TAP1: variants seen among roughly 807,000 people sequenced by gnomAD.
The protein encoded by TAP1 is antigen peptide transporter 1.
Under a neutral mutation model 79.3 loss-of-function variants are expected in TAP1, and 56 were observed. The ratio of observed to expected loss-of-function variants is 0.71; its 90% CI spans 0.57 to 0.88. TAP1 has a LOEUF of 0.88. Among genes scored for constraint, TAP1 ranks in the 40% least tolerant of loss-of-function variants. The probability of loss-of-function intolerance (pLI) is 0.00; values close to 1 mark genes in which losing one functional copy is unlikely to be tolerated. For missense variants in TAP1, 737 were observed against 936.3 expected, an observed-to-expected ratio of 0.79 and a Z score of 2.78; for synonymous variants, 355 against 401.4, an observed-to-expected ratio of 0.88 and a Z score of 1.38.
Position 32,853,571 on chromosome 6 carries a change from C to A in TAP1, c.66G>T (p.Trp22Cys). The A allele has an allele frequency of 6.2e-7, 1 of 1,612,478 alleles. No homozygotes were observed. Among genetic ancestry groups the A allele is most frequent in the East Asian group, 2.2e-5 (1 of 44,854 alleles). Residue 22 changes from tryptophan to cysteine, a missense_variant, in exon 1 of 11, where the codon TGG (tryptophan) becomes TGT (cysteine). This residue lies in a region of TAP1 where 45 missense variants were observed against 60.2 expected (regional missense o/e 0.75). Coordinates refer to ENST00000354258, the MANE Select transcript of TAP1 (RefSeq NM_000593.6). The surrounding 1 kb of genome is among the most constrained non-coding windows in gnomAD (Gnocchi z 8.3). ...CRCLPGASLA[W>C]LGTVLLLLAD... ...CGAGAAGTAGCAGTACTGTCCCCAG[C>A]CATGCGAGAGAAGCTCCGGGGAGGC... is the stretch of plus-strand genomic sequence containing the variant.
In TAP1 at chr6:32,845,725, G is replaced by A; in HGVS notation, c.2101C>T (p.Gln701Ter). 6.2e-7 allele frequency: 1 copy of A among 1,613,038 alleles called. No homozygotes were observed. The highest frequency in any genetic ancestry group is 1.1e-5 in the South Asian group (1 of 91,084). ...GCCTGCTCCACCAGGCTGAGGTGCT[G>A]GGTGATGAGAAGCACTGAGCGGGAG... is the stretch of plus-strand genomic sequence containing the variant. ...RYSRSVLLITQHLSLVEQADH... is the reference protein window; with the variant it reads ...RYSRSVLLIT The change falls in exon 11 of 11, where the codon CAG (glutamine) becomes TAG (stop). Residue 701 changes from glutamine to a stop codon, truncating the protein, a stop_gained. Transcript: ENST00000354258. LOFTEE classifies it high-confidence loss of function. This position sits in a 1 kb window ranked among gnomAD's most constrained non-coding sequence, Gnocchi z 4.5.
chr6:32,853,551 A>G lies in TAP1; in HGVS notation c.86T>C (p.Leu29Pro). The change falls in exon 1 of 11, where the codon CTT becomes CCT. Residue 29 changes from leucine (L) to proline (P), a missense_variant. Physicochemically the swap from Leu to Pro is moderately conservative, Grantham distance 98 (BLOSUM62 -3). This residue lies in a region of TAP1 where 45 missense variants were observed against 60.2 expected (regional missense o/e 0.75). Coordinates refer to ENST00000354258, the MANE Select transcript of TAP1 (RefSeq NM_000593.6). The surrounding 1 kb of genome is among the most constrained non-coding windows in gnomAD (Gnocchi z 8.3). ...SLAWLGTVLL[L>P]LADWVLLRTA... ...CCGGAGCAGCACCCAGTCGGCGAGA[A>G]GTAGCAGTACTGTCCCCAGCCATGC... The G allele has an allele frequency of 6.2e-7, 1 of 1,610,692 alleles. No individual in the cohort carries two copies. Among genetic ancestry groups the G allele is most frequent in the Non-Finnish European group, 8.5e-7 (1 of 1,178,300 alleles).
Position 32,848,644 on chromosome 6 carries a change from G to A in TAP1, c.1566+8C>T. On this transcript the variant is annotated splice_region_variant and intron_variant, in intron 7 of 10. Coordinates refer to ENST00000354258, the MANE Select transcript of TAP1 (RefSeq NM_000593.6). ...GGCCAGTGGAATACAGGGAGTGGTA[G>A]GTTGTACCTGTAGCACTAAGACATC... 1 of 1,613,728 alleles carries A rather than the reference G, an allele frequency of 6.2e-7. No homozygotes were observed. Among genetic ancestry groups the A allele is most frequent in the Non-Finnish European group, 8.5e-7 (1 of 1,179,914 alleles).
In TAP1 at chr6:32,852,321, A is replaced by G; in HGVS notation, c.713+67T>C. 1.2e-6 allele frequency: 2 copies of G among 1,612,796 alleles called. No homozygotes were observed. The highest frequency in any genetic ancestry group is 1.7e-6 in the Non-Finnish European group (2 of 1,179,920). ...GTCCCAGGTATCCCCATATAAGTGC[A>G]TTTCGGACAGCAGCCCCAACTTCCA... On this transcript the variant is annotated intron_variant, in intron 2 of 10. Coordinates refer to ENST00000354258, the MANE Select transcript of TAP1 (RefSeq NM_000593.6). This position sits in a 1 kb window ranked among gnomAD's most constrained non-coding sequence, Gnocchi z 4.8.
rs561754813 is a variant in TAP1, at chr6:32,851,218, G to A, written c.845-69C>T. On this transcript the variant is annotated intron_variant, in intron 3 of 10. Transcript: ENST00000354258. The surrounding 1 kb of genome is among the most constrained non-coding windows in gnomAD (Gnocchi z 4.8). ...CCAAGTGATGAGACGAACTAACAAT[G>A]AGCCAGGATGCCAGGGTCAGGGGTG... 19 of 1,489,064 alleles carry A rather than the reference G, an allele frequency of 1.3e-5. No individual in the cohort carries two copies. The highest frequency in any genetic ancestry group is 2.3e-5 in the South Asian group (2 of 85,750). 92.2% of individuals were successfully genotyped at this position (1,489,064 alleles called of 1,614,324 possible).
In TAP1 at chr6:32,852,720, G is replaced by A. The variant is rs755957031; in HGVS notation, c.599-218C>T. 3.9e-4 allele frequency: 565 copies of A among 1,455,842 alleles called. No individual in the cohort carries two copies. The highest frequency in any genetic ancestry group is 5.0e-4 in the Non-Finnish European group (559 of 1,111,190). The allele number at this position is 1,455,842 out of a possible 1,614,324, so 90.2% of individuals were successfully genotyped here. ...GAACTTTCAGGATTTTATTAGGAAG[G>A]CTGGAGATCATGAAGTAGAAAAGCC... On this transcript the variant is annotated intron_variant, in intron 1 of 10. Coordinates refer to ENST00000354258, the MANE Select transcript of TAP1 (RefSeq NM_000593.6). The surrounding 1 kb of genome is among the most constrained non-coding windows in gnomAD (Gnocchi z 4.8).
Position 32,850,500 on chromosome 6 carries a change from C to T in TAP1, c.1068G>A (p.Val356=), listed in dbSNP as rs1770717635. Residue 356 remains valine (V), a synonymous_variant, in exon 5 of 11, where the codon GTG becomes GTA. Coordinates refer to ENST00000354258, the MANE Select transcript of TAP1 (RefSeq NM_000593.6). This position sits in a 1 kb window ranked among gnomAD's most constrained non-coding sequence, Gnocchi z 5.5. ...GGCTGGACTTTGCCAGAGATTCCCG[C>T]ACCTGCACTTCCAGCAACTGTGGAT... is the stretch of plus-strand genomic sequence containing the variant. The part of the protein sequence containing the change: ...GKWYQLLEVQ[V]RESLAKSSQV... 1 of 1,613,168 alleles carries T rather than the reference C, an allele frequency of 6.2e-7. No individual in the cohort carries two copies. The highest frequency in any genetic ancestry group is 8.5e-7 in the Non-Finnish European group (1 of 1,180,038).
rs764642329 is a variant in TAP1, at chr6:32,847,249, T to C, written c.1904-45A>G. ...GATGAGAACGGTATAGCCACATGTG[T>C]GCACGCATGTACATGCACACAGACA... On this transcript the variant is annotated intron_variant, in intron 9 of 10. Transcript: ENST00000354258. The surrounding 1 kb of genome is among the most constrained non-coding windows in gnomAD (Gnocchi z 4.7). 19 of 1,607,252 alleles carry C rather than the reference T, an allele frequency of 1.2e-5. No homozygotes were observed. In the African/African-American group the frequency reaches 2.3e-4, roughly 19 times the overall value.
rs1377543286 is a variant in TAP1 at position 32,852,051 on chromosome 6, C to A, written c.844+58G>T. 1.1e-5 allele frequency: 18 copies of A among 1,610,744 alleles called. No individual in the cohort carries two copies. The highest frequency in any genetic ancestry group is 1.5e-5 in the Non-Finnish European group (18 of 1,178,798). On this transcript the variant is annotated intron_variant, in intron 3 of 10. Coordinates refer to ENST00000354258, the MANE Select transcript of TAP1 (RefSeq NM_000593.6). This position sits in a 1 kb window ranked among gnomAD's most constrained non-coding sequence, Gnocchi z 4.8. ...AGAGCGGGGAGGGGGGAGATCAAAG[C>A]AGATGTATGAGGATATGAACAGTAC...
In TAP1 at chr6:32,850,348, G is replaced by C. The variant is rs368082063; in HGVS notation, c.1220C>G (p.Ala407Gly). The change falls in exon 5 of 11, where the codon GCC becomes GGC. Residue 407 changes from alanine (A) to glycine (G), a missense_variant. Physicochemically the swap from Ala to Gly is moderately conservative, Grantham distance 60. Coordinates refer to ENST00000354258, the MANE Select transcript of TAP1 (RefSeq NM_000593.6). The surrounding 1 kb of genome is among the most constrained non-coding windows in gnomAD (Gnocchi z 5.5). ...IKTLNQKEAV[A>G]YAVNSWTTSI... The stretch of plus-strand genomic sequence containing the variant: ...AGTGGTCCAGGAGTTGACTGCATAG[G>C]CCACAGCCTCCTTCTGGTTGAGTGT... The C allele has an allele frequency of 3.1e-6, 5 of 1,614,134 alleles. No homozygotes were observed. The highest frequency in any genetic ancestry group is 1.3e-5 in the African/African-American group (1 of 74,950).
In TAP1 at chr6:32,847,037, G is replaced by C; in HGVS notation, c.2040+31C>G. 6.2e-7 allele frequency: 1 copy of C among 1,610,422 alleles called. No individual in the cohort carries two copies. Among genetic ancestry groups the C allele is most frequent in the South Asian group, 1.1e-5 (1 of 91,074 alleles). On this transcript the variant is annotated intron_variant, in intron 10 of 10. Coordinates refer to ENST00000354258, the MANE Select transcript of TAP1 (RefSeq NM_000593.6). The surrounding 1 kb of genome is among the most constrained non-coding windows in gnomAD (Gnocchi z 4.7). ...GTATAAAAGAAGCAAGATTGGGTGG[G>C]ATATAGCCATTAAGAAGATGACTGC...
chr6:32,851,775 A>AT lies in TAP1; in HGVS notation c.844+333dup. ...TGAGCTCAAAATTTCCAGGTTTGAA[A>AT]TTCTATGGTTTCTATCTAAGGATAC... is the stretch of plus-strand genomic sequence containing the variant. On this transcript the variant is annotated intron_variant, in intron 3 of 10. Transcript: ENST00000354258. The surrounding 1 kb of genome is among the most constrained non-coding windows in gnomAD (Gnocchi z 4.8). Among the ~76,000 whole-genome samples the AT allele has an allele frequency of 6.6e-6, 1 of 152,356 alleles. No individual in the cohort carries two copies. Among genetic ancestry groups the AT allele is most frequent in the Middle Eastern group, 3.4e-3 (1 of 294 alleles).
At chr6:32,846,921 T>G in intron 10 of TAP1, 147 bp downstream of exon 10, 3 of 1,168,186 alleles carry the variant, frequency 2.6e-6, no homozygotes, top group Non-Finnish European at 3.8e-6. Context: ...CTCTACTCCT[T>G]GGGGAGGCAT....
In TAP1 at chr6:32,847,098, G is replaced by A; in HGVS notation, c.2010C>T (p.Thr670=). ...ACTGGCTGTTTGCATCCAGGGCACT[G>A]GTGGCATCATCCAGGATAAGTACAC... ...KPCVLILDDA[T]SALDANSQLQ... is the part of the protein sequence containing the mutation. The change falls in exon 10 of 11, where the codon ACC becomes ACT. Residue 670 remains threonine, a synonymous_variant. Transcript: ENST00000354258. This position sits in a 1 kb window ranked among gnomAD's most constrained non-coding sequence, Gnocchi z 4.7. 4 of 1,612,954 alleles carry A rather than the reference G, an allele frequency of 2.5e-6. No individual in the cohort carries two copies. The highest frequency in any genetic ancestry group is 3.4e-6 in the Non-Finnish European group (4 of 1,180,048).
At position 32,845,284 on chromosome 6, in the gene TAP1, T is replaced by C. The variant is rs1770285070; in HGVS notation, c.*295A>G. On this transcript the variant is annotated 3_prime_UTR_variant, in exon 11 of 11. Coordinates refer to ENST00000354258, the MANE Select transcript of TAP1 (RefSeq NM_000593.6). The surrounding 1 kb of genome is among the most constrained non-coding windows in gnomAD (Gnocchi z 4.5). The stretch of plus-strand genomic sequence containing the variant: ...GGGCCAGCATATGCCTTCAGTTATG[T>C]TGAAAATAGCTGATCATCTTTCCGT... 1 of 548,214 alleles carries C rather than the reference T, an allele frequency of 1.8e-6. No individual in the cohort carries two copies. Among genetic ancestry groups the C allele is most frequent in the Non-Finnish European group, 3.3e-6 (1 of 305,426 alleles). 34.0% of individuals were successfully genotyped at this position (548,214 alleles called of 1,614,324 possible).
In TAP1 at chr6:32,847,061, G is replaced by A; in HGVS notation, c.2040+7C>T. On this transcript the variant is annotated splice_region_variant and intron_variant, in intron 10 of 10. Transcript: ENST00000354258. The surrounding 1 kb of genome is among the most constrained non-coding windows in gnomAD (Gnocchi z 4.7). ...GGATATAGCCATTAAGAAGATGACT[G>A]CCTCACCTGTAACTGGCTGTTTGCA... 2 of 1,612,288 alleles carry A rather than the reference G, an allele frequency of 1.2e-6. No homozygotes were observed. The highest frequency in any genetic ancestry group is 2.2e-5 in the East Asian group (1 of 44,880).
chr6:32,852,487 G>C lies in TAP1; in HGVS notation c.614C>G (p.Pro205Arg), dbSNP rs1770851091. ...GTCAGTGAGGCGGCCCGTAAAGAAT[G>C]GAATGGCCATCTCCCCTGGAGAAAG... is the stretch of plus-strand genomic sequence containing the variant. ...VLSSLGEMAI[P>R]FFTGRLTDWI... Residue 205 changes from proline (P) to arginine (R), a missense_variant, in exon 2 of 11, where the codon CCA becomes CGA. Pro to Arg is a moderately radical substitution (Grantham distance 103). Coordinates refer to ENST00000354258, the MANE Select transcript of TAP1 (RefSeq NM_000593.6). The surrounding 1 kb of genome is among the most constrained non-coding windows in gnomAD (Gnocchi z 4.8). 1 of 1,612,992 alleles carries C rather than the reference G, an allele frequency of 6.2e-7. No individual in the cohort carries two copies. The highest frequency in any genetic ancestry group is 2.2e-5 in the East Asian group (1 of 44,880).
At position 32,850,422 on chromosome 6, in the gene TAP1, G is replaced by A. The variant is rs770275509; in HGVS notation, c.1146C>T (p.Asn382=). 1.9e-5 allele frequency: 31 copies of A among 1,614,068 alleles called. No homozygotes were observed. In the East Asian group the frequency reaches 2.0e-4, roughly 10 times the overall value. ...TAAACTTCTGGGCTTCGCCCTCCTC[G>A]TTGGCAAAGCTTCGAACTGTAGGCA... ...SAMPTVRSFA[N]EEGEAQKFRE... Residue 382 remains asparagine, a synonymous_variant, in exon 5 of 11, where the codon AAC becomes AAT. Coordinates refer to ENST00000354258, the MANE Select transcript of TAP1 (RefSeq NM_000593.6). The surrounding 1 kb of genome is among the most constrained non-coding windows in gnomAD (Gnocchi z 5.5).
At chr6:32,846,714 G>T in intron 10 of TAP1, among the ~76,000 whole-genome samples, 1 of 152,128 alleles carries the variant, frequency 6.6e-6, no homozygotes, top group East Asian at 1.9e-4. Flanking sequence ...AGCTACTCGG[G>T]AGGCTGAGGG....
Sources: allele counts gnomAD v4.1 joint callset (sites outside exome capture counted in the v4.1 genomes callset), GRCh38; gene constraint gnomAD v4.1.1; regional missense constraint gnomAD v4.1.1; non-coding constraint Gnocchi (gnomAD v3.1); transcripts MANE v1.5; gene names NCBI Gene and HGNC (gene_info 2026-07-23, HGNC 2026-07-21).